Variants in UBR3 observed in about 807,000 individuals in gnomAD.
The protein encoded by UBR3 is E3 ubiquitin-protein ligase UBR3.
In UBR3, 85 loss-of-function variants were observed where a neutral mutation model predicts 243.2. The ratio of observed to expected loss-of-function variants is 0.35; its 90% CI spans 0.29 to 0.42. UBR3 has a LOEUF of 0.42. UBR3 is among the 10% of genes least tolerant of loss of function. The pLI is 1.00. For missense variants in UBR3, 1,686 were observed against 2,300.8 expected (o/e 0.73, Z 5.47); for synonymous variants, 748 against 799.8 (o/e 0.94, Z 1.09).
At chr2:169,852,157 A>G (rs1030361022) in intron 1 of UBR3, among the ~76,000 whole-genome samples, 2 of 151,880 alleles carry the variant, frequency 1.3e-5, no homozygotes, top group Non-Finnish European at 2.9e-5. Flanking sequence ...TTTACTACCA[A>G]CTCTTCATTT....
chr2:170,042,241 G>A (rs933025507), intron 32 of UBR3, among the ~76,000 whole-genome samples: 1 of 151,792 alleles, frequency 6.6e-6, no homozygotes, highest in Admixed American at 6.6e-5. Flanking sequence ...TTTTGTGTCT[G>A]GCTTCCTTCA....
At chr2:169,971,182 T>G (rs995586145) in intron 24 of UBR3, among the ~76,000 whole-genome samples, 11 of 151,190 alleles carry the variant, frequency 7.3e-5, no homozygotes, top group Admixed American at 2.0e-4. Flanking sequence ...GTTTGTTTTT[T>G]TCTTGTGAAT....
chr2:170,041,933 T>G (rs2090977137), intron 32 of UBR3, among the ~76,000 whole-genome samples: 1 of 152,232 alleles, frequency 6.6e-6, no homozygotes. Context: ...GTGCTTCAAT[T>G]AATATTTTTT....
In UBR3 at chr2:170,079,022, C is replaced by T. The variant is rs76823631; in HGVS notation, c.5200-792C>T. On this transcript the variant is annotated intron_variant, in intron 36 of 38. Transcript: ENST00000272793. Reference sequence around the variant, plus strand: ...CACTGATTTAGGTGGATTATGGCTGCATGTAGGTAATGTGAGATGATCTCC... The same window carrying T: ...CACTGATTTAGGTGGATTATGGCTGTATGTAGGTAATGTGAGATGATCTCC... Among the ~76,000 whole-genome samples, 664 of 152,268 alleles carry T rather than the reference C, an allele frequency of 4.4e-3. 6 individuals are homozygous for T. Among genetic ancestry groups the T allele is most frequent in the African/African-American group, 0.015 (642 of 41,546 alleles).
intron 32 of UBR3, among the ~76,000 whole-genome samples, chr2:170,043,569 A>G (rs1013475919): frequency 3.9e-5 from 6 of 152,218 alleles, no homozygotes; most frequent in Non-Finnish European, 8.8e-5. Flanking sequence ...TTAAAGTAAT[A>G]TCATTAAAGA....
At chr2:170,004,207 A>G (rs1048901006) in intron 27 of UBR3, among the ~76,000 whole-genome samples, 2 of 152,230 alleles carry the variant, frequency 1.3e-5, no homozygotes, top group Admixed American at 6.5e-5. Flanking sequence ...ACTCATGTCT[A>G]TGAAAATGGA....
chr2:169,890,581 G>GTATATATATGTATATATATATATGTA lies in UBR3; in HGVS notation c.1039-575_1039-574insGTATATATATATATGTATATATATAT, dbSNP rs1559064410. ...TATATATATGTGTATATATATATAT[G>GTATATATATGTATATATATATATGTA]TATATATATATGTATATATATGTAT... is the stretch of plus-strand genomic sequence containing the variant. On this transcript the variant is annotated intron_variant, in intron 5 of 38. Transcript: ENST00000272793. Among the ~76,000 whole-genome samples, 137 of 96,410 alleles carry GTATATATATGTATATATATATATGTA rather than the reference G, an allele frequency of 1.4e-3. 4 individuals are homozygous for GTATATATATGTATATATATATATGTA. The highest frequency in any genetic ancestry group is 6.6e-3 in the African/African-American group (133 of 20,050). 63.2% of individuals were successfully genotyped at this position (96,410 alleles called of 152,430 possible).
intron 18 of UBR3, among the ~76,000 whole-genome samples, chr2:169,931,004 A>C (rs1169943753): frequency 6.6e-6 from 1 of 152,152 alleles, no homozygotes; most frequent in African/African-American, 2.4e-5. Flanking sequence ...AGGTTGTGCA[A>C]TTCTGATAAA....
At chr2:169,939,761 A>G (rs918149259) in intron 19 of UBR3, among the ~76,000 whole-genome samples, 1 of 150,546 alleles carries the variant, frequency 6.6e-6, no homozygotes, top group Non-Finnish European at 1.5e-5. Flanking sequence ...ACAGGGTTTC[A>G]TCATGTTGCC....
chr2:169,972,354 A>G (rs1024501939), intron 24 of UBR3, among the ~76,000 whole-genome samples: 1 of 152,174 alleles, frequency 6.6e-6, no homozygotes, highest in Admixed American at 6.5e-5. Context: ...AACTGGTACC[A>G]TTCCTTCTGA....
At chr2:169,857,945 C>T (rs1353271661) in intron 1 of UBR3, among the ~76,000 whole-genome samples, 1 of 152,084 alleles carries the variant, frequency 6.6e-6, no homozygotes. Flanking sequence ...TATTTTATGA[C>T]CAGTAGAATG....
chr2:169,875,604 C>G (rs948036896), intron 2 of UBR3, among the ~76,000 whole-genome samples, 187 bp from the exon 3 acceptor site: 3 of 152,210 alleles, frequency 2.0e-5, no homozygotes, highest in Non-Finnish European at 4.4e-5. Flanking sequence ...CTGAGCAAGT[C>G]TACCCTTGCT....
chr2:169,984,505 C>T (rs1350311944), intron 24 of UBR3, among the ~76,000 whole-genome samples: 5 of 152,120 alleles, frequency 3.3e-5, no homozygotes, highest in Non-Finnish European at 5.9e-5. Flanking sequence ...AATTTACATA[C>T]AGTATGTACT....
At position 170,015,383 on chromosome 2, in the gene UBR3, G is replaced by A; in HGVS notation, c.4453+17G>A. 2 of 1,571,254 alleles carry A rather than the reference G, an allele frequency of 1.3e-6. No individual in the cohort carries two copies. The highest frequency in any genetic ancestry group is 1.2e-5 in the South Asian group (1 of 84,776). ...CTTGTTTAAGTAAGTACTAAATACT[G>A]CTAAATTTAAAAAAAATTCTGTCAT... On this transcript the variant is annotated intron_variant, in intron 30 of 38. Coordinates refer to ENST00000272793, the MANE Select transcript of UBR3 (RefSeq NM_172070.4).
chr2:169,921,834 A>G (rs550218508), intron 11 of UBR3, among the ~76,000 whole-genome samples: 1 of 152,218 alleles, frequency 6.6e-6, no homozygotes, highest in African/African-American at 2.4e-5. Context: ...TCTACTAAAA[A>G]TACAAAAATT....
intron 25 of UBR3, among the ~76,000 whole-genome samples, chr2:169,987,207 A>G (rs377282694): frequency 5.9e-5 from 9 of 152,020 alleles, no homozygotes; most frequent in African/African-American, 1.9e-4. Context: ...TACATGGCCA[A>G]CATGGTGAAA....
rs371772896 is a variant in UBR3 at position 169,836,331 on chromosome 2, C to T, written c.545+8279C>T. On this transcript the variant is annotated intron_variant, in intron 1 of 38. Transcript: ENST00000272793. ...AACTCCTGACCTCCGGTGATCTTCC[C>T]GCCTCAGCCTCCCAGAGTGCTGGAA... Among the ~76,000 whole-genome samples, 58 of 151,296 alleles carry T rather than the reference C, an allele frequency of 3.8e-4. No homozygotes were observed. In the South Asian group the frequency reaches 7.1e-3, roughly 18 times the overall value.
intron 11 of UBR3, among the ~76,000 whole-genome samples, chr2:169,915,728 A>G (rs1299950639): frequency 1.3e-5 from 2 of 151,982 alleles, no homozygotes; most frequent in Non-Finnish European, 2.9e-5. Flanking sequence ...TACCTGCTAG[A>G]CTCCTTCATC....
intron 1 of UBR3, among the ~76,000 whole-genome samples, chr2:169,855,754 CACAG>C (rs1308502619): frequency 1.3e-5 from 2 of 152,258 alleles, no homozygotes; most frequent in East Asian, 3.8e-4. Context: ...CTTCTTTCCA[CACAG>C]ACACAGTAAC....
Sources: allele counts gnomAD v4.1 joint callset (sites outside exome capture counted in the v4.1 genomes callset), GRCh38; gene constraint gnomAD v4.1.1; transcripts MANE v1.5; gene names NCBI Gene and HGNC (gene_info 2026-07-23, HGNC 2026-07-21).